The following EVI5 variants were observed in gnomAD, a reference collection of about 807,000 sequenced individuals.
The protein encoded by EVI5 is ecotropic viral integration site 5.
Under a neutral mutation model 112.0 loss-of-function variants are expected in EVI5, and 73 were observed. That is an observed-to-expected ratio of 0.65 (90% CI 0.54 to 0.79). The LOEUF is 0.79. Among genes scored for constraint, EVI5 ranks in the 30% least tolerant of loss-of-function variants. The pLI, the probability that EVI5 is intolerant of heterozygous loss-of-function variation, is 0.00. For synonymous variants in EVI5, 305 were observed against 319.9 expected (o/e 0.95, Z 0.50); for missense variants, 900 against 968.8 (o/e 0.93, Z 0.94).
rs946187618 is a variant in EVI5 at position 92,681,621 on chromosome 1, T to TAA, written c.1098-4405_1098-4404dup. On this transcript the variant is annotated intron_variant, in intron 9 of 19. Transcript: ENST00000684568. ...TCATTACAGCAAAGAGTAAAACTTTTAAAACCAGATCATGTCACTTTTCGC... is the reference window on the plus strand; with the variant it reads ...TCATTACAGCAAAGAGTAAAACTTTTAAAAAACCAGATCATGTCACTTTTCGC... Among the ~76,000 whole-genome samples, 9 of 152,296 alleles carry TAA rather than the reference T, an allele frequency of 5.9e-5. 1 individual carries two copies. Among genetic ancestry groups the TAA allele is most frequent in the Admixed American group, 3.9e-4 (6 of 15,300 alleles).
At position 92,712,307 on chromosome 1, in the gene EVI5, A is replaced by G. The variant is rs1672967957; in HGVS notation, c.150-7563T>C. 3.9e-5 allele frequency among the ~76,000 whole-genome samples: 6 copies of G among 152,280 alleles called. No individual in the cohort carries two copies. In the South Asian group the frequency reaches 1.2e-3, roughly 32 times the overall value. On this transcript the variant is annotated intron_variant, in intron 2 of 19. Coordinates refer to ENST00000684568, the MANE Select transcript of EVI5 (RefSeq NM_001350197.2). The stretch of plus-strand genomic sequence containing the variant: ...GAGACAACACAGAAGAAAGATACCT[A>G]AATGACAGGGATTTCTCTAGTTCTG...
chr1:92,740,118 T>G (rs1333244052), intron 1 of EVI5, among the ~76,000 whole-genome samples: 1 of 152,246 alleles, frequency 6.6e-6, no homozygotes, highest in African/African-American at 2.4e-5. Context: ...TATTTCCTAA[T>G]ACTTTTTCAT....
intron 1 of EVI5, among the ~76,000 whole-genome samples, chr1:92,753,242 C>T (rs376660668): frequency 1.3e-5 from 2 of 152,168 alleles, no homozygotes; most frequent in Non-Finnish European, 2.9e-5. Context: ...GTGATCTCAG[C>T]ACCTTGGAAG....
chr1:92,699,850 T>A (rs1419855996), intron 5 of EVI5, among the ~76,000 whole-genome samples: 1 of 152,202 alleles, frequency 6.6e-6, no homozygotes, highest in Non-Finnish European at 1.5e-5. Flanking sequence ...TTATGCAGTA[T>A]GTAATTATAA....
chr1:92,646,656 T>C (rs1225182867), intron 13 of EVI5, among the ~76,000 whole-genome samples: 3 of 152,234 alleles, frequency 2.0e-5, no homozygotes, highest in South Asian at 2.1e-4. Context: ...GTACAGTTGA[T>C]AACAGGATTT....
intron 18 of EVI5, among the ~76,000 whole-genome samples, chr1:92,580,056 T>C (rs1342004341): frequency 5.9e-5 from 9 of 152,242 alleles, no homozygotes; most frequent in African/African-American, 2.2e-4. Flanking sequence ...AATGTATTTT[T>C]GTTGGAATTT....
At chr1:92,561,600 TA>T (rs748377372) in intron 19 of EVI5, among the ~76,000 whole-genome samples, 4,225 of 138,122 alleles carry the variant, frequency 0.031, 86 homozygotes, top group Middle Eastern at 0.034. Context: ...TCTATCTATC[TA>T]ATCTATCCTA....
At chr1:92,695,955 G>A (rs1015094231) in intron 6 of EVI5, among the ~76,000 whole-genome samples, 18 of 150,362 alleles carry the variant, frequency 1.2e-4, no homozygotes, top group African/African-American at 4.4e-4. Flanking sequence ...TTTTGAGATG[G>A]GGTCTCACTC....
intron 16 of EVI5, among the ~76,000 whole-genome samples, chr1:92,621,005 ATTCAT>A (rs1278891814): frequency 6.6e-6 from 1 of 152,054 alleles, no homozygotes; most frequent in East Asian, 1.9e-4. Context: ...ATAGTTATTT[ATTCAT>A]TTATTATTAT....
At chr1:92,656,079 A>T (rs1662953973) in intron 13 of EVI5, among the ~76,000 whole-genome samples, 1 of 152,166 alleles carries the variant, frequency 6.6e-6, no homozygotes, top group Non-Finnish European at 1.5e-5. Flanking sequence ...ATTCTATTCA[A>T]CAACCACAGA....
At position 92,721,354 on chromosome 1, in the gene EVI5, A is replaced by C. The variant is rs375184192; in HGVS notation, c.149+15044T>G. 2.6e-5 allele frequency among the ~76,000 whole-genome samples: 4 copies of C among 152,360 alleles called. No homozygotes were observed. The East Asian group carries it at 7.7e-4, about 29-fold the overall frequency. ...ATGGAATACTATGCAGCCATAAAAA[A>C]GGATGAGTTCATGTACTTTGTAGGG... On this transcript the variant is annotated intron_variant, in intron 2 of 19. Coordinates refer to ENST00000684568, the MANE Select transcript of EVI5 (RefSeq NM_001350197.2).
At chr1:92,517,678 C>A (rs1374175744) in intron 19 of EVI5, among the ~76,000 whole-genome samples, 6 of 152,110 alleles carry the variant, frequency 3.9e-5, no homozygotes, top group Non-Finnish European at 8.8e-5. Context: ...TTTAAATGAA[C>A]GTTTTCTGCA....
intron 19 of EVI5, among the ~76,000 whole-genome samples, chr1:92,545,156 T>G (rs1004168825): frequency 6.6e-6 from 1 of 152,232 alleles, no homozygotes; most frequent in Non-Finnish European, 1.5e-5. Context: ...TACTCTTTAA[T>G]TGACACTTAG....
At chr1:92,547,586 A>T (rs189910513) in intron 19 of EVI5, among the ~76,000 whole-genome samples, 19 of 151,678 alleles carry the variant, frequency 1.3e-4, no homozygotes, top group African/African-American at 4.4e-4. Flanking sequence ...TCAACAAAAT[A>T]GATAGACCGC....
chr1:92,656,205 G>C lies in EVI5; in HGVS notation c.1392+6514C>G, dbSNP rs189021759. Among the ~76,000 whole-genome samples the C allele has an allele frequency of 1.2e-3, 175 of 152,138 alleles. 1 individual carries two copies. The highest frequency in any genetic ancestry group is 4.1e-3 in the African/African-American group (170 of 41,520). ...CAAAATCATATCAAGTCTCTTCTTG[G>C]ACCACAGTGGAATGTAACTAGAAAC... is the stretch of plus-strand genomic sequence containing the variant. On this transcript the variant is annotated intron_variant, in intron 13 of 19. Coordinates refer to ENST00000684568, the MANE Select transcript of EVI5 (RefSeq NM_001350197.2).
intron 2 of EVI5, among the ~76,000 whole-genome samples, chr1:92,730,521 T>TAA (rs943969291): frequency 1.4e-5 from 2 of 145,214 alleles, no homozygotes; most frequent in Non-Finnish European, 3.0e-5. Context: ...ACAAAAATAT[T>TAA]AAAAAAAAAA....
intron 14 of EVI5, among the ~76,000 whole-genome samples, chr1:92,632,294 G>A (rs1431381382): frequency 1.2e-4 from 18 of 152,178 alleles, no homozygotes; most frequent in Admixed American, 1.2e-3. Context: ...GAATTTGGCT[G>A]TGAATCCATC....
chr1:92,562,619 A>G (rs1296027043), intron 19 of EVI5, among the ~76,000 whole-genome samples: 1 of 152,206 alleles, frequency 6.6e-6, no homozygotes, highest in East Asian at 1.9e-4. Context: ...CTGAAAATTG[A>G]TATTTACAGG....
chr1:92,626,762 A>G (rs1371972850), intron 14 of EVI5, among the ~76,000 whole-genome samples: 3 of 152,176 alleles, frequency 2.0e-5, no homozygotes, highest in Non-Finnish European at 4.4e-5. Context: ...ATATGGCAAT[A>G]AACTTACTAA....
Sources: allele counts gnomAD v4.1 joint callset (sites outside exome capture counted in the v4.1 genomes callset), GRCh38; gene constraint gnomAD v4.1.1; transcripts MANE v1.5; gene names NCBI Gene and HGNC (gene_info 2026-07-23, HGNC 2026-07-21).